The following STK4 variants were observed in gnomAD, a reference collection of about 807,000 sequenced individuals.
STK4 encodes serine/threonine-protein kinase 4.
A neutral mutation model predicts 64.9 loss-of-function variants in STK4; 30 were observed. The ratio of observed to expected loss-of-function variants is 0.46; its 90% CI spans 0.35 to 0.63. STK4 has a LOEUF of 0.63. Ranked by LOEUF, STK4 falls within the 20% of genes least tolerant of loss-of-function variation. The pLI, the probability that STK4 is intolerant of heterozygous loss-of-function variation, is 0.01. For missense variants in STK4, 466 were observed against 598.5 expected (o/e 0.78, Z 2.31); for synonymous variants, 177 against 199.0 (o/e 0.89, Z 0.93).
chr20:44,976,700 G>C (rs2067343716), intron 2 of STK4, among the ~76,000 whole-genome samples: 1 of 152,130 alleles, frequency 6.6e-6, no homozygotes, highest in African/African-American at 2.4e-5. Context: ...GCCTTTGGAT[G>C]GAAGTAACAA....
At chr20:45,074,910 C>T in intron 10 of STK4, 108 bp from the exon 11 acceptor site, 1 of 1,366,262 alleles carries the variant, frequency 7.3e-7, no homozygotes, top group African/African-American at 1.4e-5. Flanking sequence ...ACCACAGTGT[C>T]TTCCTCCTGT....
intron 10 of STK4, among the ~76,000 whole-genome samples, chr20:45,047,075 G>A (rs1009345903): frequency 6.6e-6 from 1 of 152,038 alleles, no homozygotes; most frequent in African/African-American, 2.4e-5. Context: ...AATTTTATTG[G>A]CAGACACACT....
chr20:45,024,824 A>C, intron 9 of STK4, 149 bp from the exon 10 acceptor site: 2 of 771,606 alleles, frequency 2.6e-6, no homozygotes, highest in Non-Finnish European at 3.5e-6. Flanking sequence ...CATTTTTTGT[A>C]GTTTCACTAG....
At chr20:45,069,767 A>G (rs935214104) in intron 10 of STK4, among the ~76,000 whole-genome samples, 3 of 152,224 alleles carry the variant, frequency 2.0e-5, no homozygotes, top group African/African-American at 7.2e-5. Flanking sequence ...ATGAAGGATA[A>G]TTTATTCATT....
intron 2 of STK4, chr20:44,973,228 C>T (rs1384573838): frequency 6.6e-6 from 1 of 152,150 alleles, no homozygotes; most frequent in East Asian, 1.9e-4. Context: ...TAAACCCAAT[C>T]CTGGATTACA....
intron 6 of STK4, 91 bp downstream of exon 6, chr20:44,995,348 G>GTA: frequency 6.9e-7 from 1 of 1,449,664 alleles, no homozygotes; most frequent in Non-Finnish European, 9.2e-7. Context: ...GCTCACACGT[G>GTA]TAATCCCAGC....
intron 10 of STK4, among the ~76,000 whole-genome samples, chr20:45,073,917 A>G (rs898099487): frequency 1.3e-5 from 2 of 152,240 alleles, no homozygotes; most frequent in African/African-American, 4.8e-5. Flanking sequence ...ACATGTGATG[A>G]GACACTGCTG....
chr20:44,967,189 A>T (rs2067165034), intron 1 of STK4: 1 of 985,204 alleles, frequency 1.0e-6, no homozygotes, highest in Admixed American at 6.2e-5. Flanking sequence ...CCACTGTAGG[A>T]TGGCATCTTT....
intron 2 of STK4, chr20:44,974,264 T>C (rs1164953328): frequency 6.6e-6 from 1 of 152,092 alleles, no homozygotes; most frequent in East Asian, 1.9e-4. Flanking sequence ...TGTGGAAATT[T>C]CCCTATGAAG....
intron 5 of STK4, among the ~76,000 whole-genome samples, chr20:44,994,285 T>G (rs951919975): frequency 2.0e-5 from 3 of 151,374 alleles, no homozygotes; most frequent in Non-Finnish European, 4.4e-5. Flanking sequence ...AATGGTTTGG[T>G]GTGTATTACT....
intron 9 of STK4, among the ~76,000 whole-genome samples, chr20:45,006,253 G>T (rs1374710025): frequency 1.4e-5 from 2 of 146,906 alleles, no homozygotes; most frequent in Admixed American, 1.4e-4. Context: ...TGTTTCGGAT[G>T]TATTTATTTA....
chr20:45,000,305 T>C, intron 7 of STK4, 87 bp from the exon 8 acceptor site: 1 of 1,450,186 alleles, frequency 6.9e-7, no homozygotes, highest in Non-Finnish European at 9.3e-7. Flanking sequence ...TCAACACATG[T>C]TATCCAGTAC....
chr20:44,987,002 C>A, intron 4 of STK4, 130 bp from the exon 5 acceptor site: 1 of 665,216 alleles, frequency 1.5e-6, no homozygotes, highest in Non-Finnish European at 2.5e-6. Context: ...ATGGTATAAG[C>A]AGTCAAATGC....
chr20:45,031,593 G>A (rs77491412), intron 10 of STK4, among the ~76,000 whole-genome samples: 4,282 of 152,136 alleles, frequency 0.028, 187 homozygotes, highest in African/African-American at 0.092. Context: ...AAAAGAAAGT[G>A]GGTGAAACAA....
chr20:45,063,949 A>C (rs1414765191), intron 10 of STK4, among the ~76,000 whole-genome samples: 1 of 151,758 alleles, frequency 6.6e-6, no homozygotes, highest in Non-Finnish European at 1.5e-5. Context: ...CTGGGAATAC[A>C]GGCGCCCGCC....
intron 10 of STK4, among the ~76,000 whole-genome samples, chr20:45,033,247 A>G (rs1277026568): frequency 1.3e-5 from 2 of 151,960 alleles, no homozygotes; most frequent in African/African-American, 4.8e-5. Context: ...TTGAAAGTTT[A>G]TTTTGCTGTT....
At chr20:45,061,330 T>A (rs1294662640) in intron 10 of STK4, among the ~76,000 whole-genome samples, 1 of 152,182 alleles carries the variant, frequency 6.6e-6, no homozygotes, top group Non-Finnish European at 1.5e-5. Flanking sequence ...TGGCTTCAGT[T>A]ACCCACAACC....
intron 10 of STK4, among the ~76,000 whole-genome samples, chr20:45,050,121 G>A (rs1473117946): frequency 2.0e-5 from 3 of 152,178 alleles, no homozygotes; most frequent in African/African-American, 7.2e-5. Flanking sequence ...TGGCTGCAGA[G>A]AGAACAGTCA....
At chr20:45,052,801 A>G (rs1359628588) in intron 10 of STK4, among the ~76,000 whole-genome samples, 1 of 152,226 alleles carries the variant, frequency 6.6e-6, no homozygotes, top group African/African-American at 2.4e-5. Flanking sequence ...GCTAGAAGAA[A>G]GATGAATGGA....
Sources: allele counts gnomAD v4.1 joint callset (sites outside exome capture counted in the v4.1 genomes callset), GRCh38; gene constraint gnomAD v4.1.1; transcripts MANE v1.5; gene names NCBI Gene and HGNC (gene_info 2026-07-23, HGNC 2026-07-21).